HCLS1: variants seen among roughly 807,000 people sequenced by gnomAD.
HCLS1 encodes hematopoietic lineage cell-specific protein.
Under a neutral mutation model 68.6 loss-of-function variants are expected in HCLS1, and 44 were observed. The observed-to-expected ratio is 0.64, with a 90% confidence interval of 0.50 to 0.82. The LOEUF (loss-of-function observed/expected upper bound fraction) is 0.82, where lower values mean the gene tolerates loss of function less well. Ranked by LOEUF, HCLS1 falls within the 40% of genes least tolerant of loss-of-function variation. The probability of loss-of-function intolerance (pLI) is 0.00; values close to 1 mark genes in which losing one functional copy is unlikely to be tolerated. For missense variants in HCLS1, 602 were observed against 612.1 expected, an observed-to-expected ratio of 0.98 and a Z score of 0.17; for synonymous variants, 217 against 225.8, an observed-to-expected ratio of 0.96 and a Z score of 0.35.
chr3:121,644,940 CA>C lies in HCLS1; in HGVS notation c.289-13del, dbSNP rs1445678524. 1.3e-6 allele frequency: 2 copies of C among 1,588,800 alleles called. No individual in the cohort carries two copies. The stretch of plus-strand genomic sequence containing the variant: ...TGGCCCACTGCACTCTGAGAAAAAT[CA>C]AGGATGGAGTGAGTGAAAAGATAAA... On this transcript the variant is annotated splice_polypyrimidine_tract_variant and intron_variant, in intron 4 of 13. Transcript: ENST00000314583.
At chr3:121,655,224 G>A (rs951610913) in intron 3 of HCLS1, among the ~76,000 whole-genome samples, 1 of 152,148 alleles carries the variant, frequency 6.6e-6, no homozygotes, top group Admixed American at 6.6e-5. Flanking sequence ...AACAGTCCAG[G>A]TAGACACCAC....
At chr3:121,642,303 C>CAA (rs34223359) in intron 6 of HCLS1, among the ~76,000 whole-genome samples, 16,959 of 127,244 alleles carry the variant, frequency 0.13, 1,131 homozygotes, top group East Asian at 0.24. Flanking sequence ...ACTAAAAATA[C>CAA]AAAAAAAAAA....
intron 7 of HCLS1, 53 bp downstream of exon 7, chr3:121,637,093 G>T: frequency 1.6e-6 from 2 of 1,273,912 alleles, no homozygotes; most frequent in South Asian, 2.4e-5. Flanking sequence ...CAGAAAGGAA[G>T]GAAGGAGATC....
chr3:121,650,025 A>G (rs79788081), intron 3 of HCLS1, among the ~76,000 whole-genome samples: 3,008 of 152,320 alleles, frequency 0.02, 80 homozygotes, highest in African/African-American at 0.068. Flanking sequence ...ATCAAAATCA[A>G]TTGTATTTTT....
intron 3 of HCLS1, among the ~76,000 whole-genome samples, chr3:121,649,012 T>C (rs1310301548): frequency 6.6e-6 from 1 of 152,170 alleles, no homozygotes. Context: ...AAATCTGCAA[T>C]TTTTTAATGA....
In HCLS1 at chr3:121,647,330, G is replaced by C; in HGVS notation, c.277C>G (p.Arg93Gly). Residue 93 changes from arginine (R) to glycine (G), a missense_variant, in exon 4 of 14, where the codon CGA becomes GGA. Physicochemically the swap from Arg to Gly is moderately radical, Grantham distance 125. Coordinates refer to ENST00000314583, the MANE Select transcript of HCLS1 (RefSeq NM_005335.6). Reference protein sequence around the residue: ...YGGRFGVERDRMDKSAVGHEY... With the variant: ...YGGRFGVERDGMDKSAVGHEY... The stretch of plus-strand genomic sequence containing the variant: ...CCCTTTCAACTTACCTTGTCCATTC[G>C]GTCTCTTTCTACTCCAAACCGACCT... 2 of 1,613,468 alleles carry C rather than the reference G, an allele frequency of 1.2e-6. No homozygotes were observed. Among genetic ancestry groups the C allele is most frequent in the Non-Finnish European group, 8.5e-7 (1 of 1,179,802 alleles).
Position 121,635,777 on chromosome 3 carries a change from C to A in HCLS1, c.649G>T (p.Ala217Ser). The change falls in exon 9 of 14, where the codon GCC (alanine) becomes TCC (serine). Residue 217 changes from alanine (A) to serine (S), a missense_variant. Ala to Ser is a moderately conservative substitution (Grantham distance 99). Transcript: ENST00000314583. Reference protein sequence around the residue: ...KSAVGFNEMEAPTTAYKKTTP... With the variant: ...KSAVGFNEMESPTTAYKKTTP... ...GTCTTCTTATAAGCTGTGGTCGGGGCCTCCATTTCATTGAAGCCGACAGCG... is the reference window on the plus strand; with the variant it reads ...GTCTTCTTATAAGCTGTGGTCGGGGACTCCATTTCATTGAAGCCGACAGCG... 1 of 1,614,062 alleles carries A rather than the reference C, an allele frequency of 6.2e-7. No individual in the cohort carries two copies.
chr3:121,637,240 A>C lies in HCLS1; in HGVS notation c.471T>G (p.Phe157Leu). The change falls in exon 7 of 14, where the codon TTT (phenylalanine) becomes TTG (leucine). Residue 157 changes from phenylalanine (F) to leucine (L), a missense_variant. By Grantham distance (22) the Phe-to-Leu change is conservative (BLOSUM62 0). Transcript: ENST00000314583. The stretch of plus-strand genomic sequence containing the variant: ...CCTTCTCCACCCCGTACCGGCCACC[A>C]AAGCCACGAGAGTAATCTGTGGTCG... ...HTSQKDYSRG[F>L]GGRYGVEKDK... is the part of the protein sequence containing the mutation. The C allele has an allele frequency of 6.2e-7, 1 of 1,613,666 alleles. No homozygotes were observed. The highest frequency in any genetic ancestry group is 8.5e-7 in the Non-Finnish European group (1 of 1,179,666).
chr3:121,631,935 T>C lies in HCLS1; in HGVS notation c.1372A>G (p.Ile458Val), dbSNP rs145436824. Residue 458 changes from isoleucine (I) to valine (V), a missense_variant, in exon 14 of 14, where the codon ATT becomes GTT. Ile to Val is a conservative substitution (Grantham distance 29). Transcript: ENST00000314583. ...SFDPDDVITDIEMVDEGWWRG... is the reference protein window; with the variant it reads ...SFDPDDVITDVEMVDEGWWRG... The stretch of plus-strand genomic sequence containing the variant: ...CACCAGCCCTCGTCCACCATCTCAA[T>C]GTCAGTGATTACGTCGTCCGGATCA... The C allele has an allele frequency of 5.6e-5, 90 of 1,614,078 alleles. No homozygotes were observed. The highest frequency in any genetic ancestry group is 6.9e-5 in the Non-Finnish European group (82 of 1,180,040).
chr3:121,658,168 C>T, intron 2 of HCLS1, 96 bp downstream of exon 2: 1 of 903,822 alleles, frequency 1.1e-6, no homozygotes, highest in South Asian at 1.4e-5. Context: ...TCCTAGAAGG[C>T]CCTTTTCCAA....
intron 6 of HCLS1, 37 bp downstream of exon 6, chr3:121,642,890 C>A: frequency 1.3e-6 from 2 of 1,546,888 alleles, no homozygotes; most frequent in South Asian, 2.2e-5. Context: ...GCCTGCCGGT[C>A]AGATTGCTGA....
intron 3 of HCLS1, among the ~76,000 whole-genome samples, chr3:121,647,757 A>G (rs1284841062): frequency 6.6e-6 from 1 of 152,176 alleles, no homozygotes; most frequent in African/African-American, 2.4e-5. Flanking sequence ...CTATATTCTG[A>G]TAACTGGAAA....
At chr3:121,660,014 C>A (rs1560146235) in intron 1 of HCLS1, among the ~76,000 whole-genome samples, 1 of 152,040 alleles carries the variant, frequency 6.6e-6, no homozygotes, top group Non-Finnish European at 1.5e-5. Context: ...AGGTGAGAAC[C>A]AGAGAGTAAT....
intron 3 of HCLS1, among the ~76,000 whole-genome samples, chr3:121,648,852 G>A (rs913639018): frequency 6.6e-6 from 1 of 152,168 alleles, no homozygotes; most frequent in Non-Finnish European, 1.5e-5. Context: ...AGCGTTGAAA[G>A]CAGAGATCTT....
At position 121,635,149 on chromosome 3, in the gene HCLS1, C is replaced by G. The variant is rs113194478; in HGVS notation, c.691+586G>C. Among the ~76,000 whole-genome samples the G allele has an allele frequency of 9.9e-5, 15 of 152,026 alleles. 1 individual carries two copies. The highest frequency in any genetic ancestry group is 4.2e-4 in the South Asian group (2 of 4,794). On this transcript the variant is annotated intron_variant, in intron 9 of 13. Coordinates refer to ENST00000314583, the MANE Select transcript of HCLS1 (RefSeq NM_005335.6). Reference sequence around the variant, plus strand: ...CACACTGTGTTCTCTGCCTCCGATTCCTTCCCCGACGTCACTCTGTCTATC... The same window carrying G: ...CACACTGTGTTCTCTGCCTCCGATTGCTTCCCCGACGTCACTCTGTCTATC...
chr3:121,634,430 G>C lies in HCLS1; in HGVS notation c.692-12C>G, dbSNP rs771796785. On this transcript the variant is annotated splice_polypyrimidine_tract_variant and intron_variant, in intron 9 of 13. Coordinates refer to ENST00000314583, the MANE Select transcript of HCLS1 (RefSeq NM_005335.6). The stretch of plus-strand genomic sequence containing the variant: ...GGTACCACTAGAAGCTGCAGACACA[G>C]GCAAGAAAAATTAGGGTTGTCTTGG... 6.2e-7 allele frequency: 1 copy of C among 1,613,552 alleles called. No homozygotes were observed. The highest frequency in any genetic ancestry group is 1.1e-5 in the South Asian group (1 of 91,078).
chr3:121,659,581 T>C (rs1055155578), intron 1 of HCLS1, among the ~76,000 whole-genome samples: 8 of 152,182 alleles, frequency 5.3e-5, no homozygotes, highest in African/African-American at 1.9e-4. Context: ...CCAGGGGAAG[T>C]CTGGGTAAAT....
chr3:121,643,887 A>G (rs927764676), intron 5 of HCLS1: 2 of 152,280 alleles, frequency 1.3e-5, no homozygotes. Context: ...TCCTGATTCT[A>G]GAACACTGCA....
At chr3:121,651,492 A>C (rs1237659321) in intron 3 of HCLS1, among the ~76,000 whole-genome samples, 1 of 152,152 alleles carries the variant, frequency 6.6e-6, no homozygotes, top group African/African-American at 2.4e-5. Flanking sequence ...GCTGGAGTGC[A>C]GTGGGGCAAA....
Sources: allele counts gnomAD v4.1 joint callset (sites outside exome capture counted in the v4.1 genomes callset), GRCh38; gene constraint gnomAD v4.1.1; transcripts MANE v1.5; gene names NCBI Gene and HGNC (gene_info 2026-07-23, HGNC 2026-07-21).